NCKAP5: variants seen among roughly 807,000 people sequenced by gnomAD.
NCKAP5 encodes NCK associated protein 5.
Under a neutral mutation model 167.0 loss-of-function variants are expected in NCKAP5, and 92 were observed. The observed-to-expected ratio is 0.55, with a 90% CI of 0.47 to 0.66. NCKAP5 has a LOEUF of 0.66. Among genes scored for constraint, NCKAP5 ranks in the 30% least tolerant of loss-of-function variants. NCKAP5 has a pLI of 0.00. For missense variants in NCKAP5, 2,378 were observed against 2,315.0 expected (o/e 1.03, Z -0.56); for synonymous variants, 891 against 877.4 (o/e 1.02, Z -0.27).
chr2:133,304,033 T>A (rs903184412), intron 3 of NCKAP5, among the ~76,000 whole-genome samples: 7 of 152,150 alleles, frequency 4.6e-5, no homozygotes, highest in Non-Finnish European at 1.0e-4. Context: ...GGAACAGTAT[T>A]CAATGATTTC....
At chr2:133,153,627 A>G (rs573756049) in intron 5 of NCKAP5, among the ~76,000 whole-genome samples, 2 of 152,084 alleles carry the variant, frequency 1.3e-5, no homozygotes, top group Non-Finnish European at 2.9e-5. Flanking sequence ...CAGGCATACA[A>G]CATAAAGCCC....
chr2:133,226,795 A>G (rs1321266661), intron 4 of NCKAP5, among the ~76,000 whole-genome samples: 1 of 152,208 alleles, frequency 6.6e-6, no homozygotes, highest in Non-Finnish European at 1.5e-5. Context: ...CTTGGACTTC[A>G]GCCTCCAGAA....
At chr2:133,201,357 T>C (rs893527777) in intron 5 of NCKAP5, among the ~76,000 whole-genome samples, 1 of 152,162 alleles carries the variant, frequency 6.6e-6, no homozygotes, top group African/African-American at 2.4e-5. Context: ...AAATGGCAGC[T>C]ACTGAAACCT....
At chr2:132,924,902 A>G (rs1695731084) in intron 8 of NCKAP5, among the ~76,000 whole-genome samples, 1 of 151,872 alleles carries the variant, frequency 6.6e-6, no homozygotes, top group Non-Finnish European at 1.5e-5. Flanking sequence ...GTGGATTGGG[A>G]TAGATTTTTT....
intron 6 of NCKAP5, among the ~76,000 whole-genome samples, chr2:133,078,545 G>C (rs779082487): frequency 2.0e-5 from 3 of 152,074 alleles, no homozygotes; most frequent in Non-Finnish European, 4.4e-5. Context: ...TACGGGACTG[G>C]GGTGAAGGTG....
At chr2:133,172,007 T>C (rs1217543386) in intron 5 of NCKAP5, among the ~76,000 whole-genome samples, 1 of 152,218 alleles carries the variant, frequency 6.6e-6, no homozygotes, top group Non-Finnish European at 1.5e-5. Context: ...ATCTACAATA[T>C]TAAAAGTATC....
At chr2:132,812,776 G>A (rs76436194) in intron 11 of NCKAP5, among the ~76,000 whole-genome samples, 6,100 of 152,184 alleles carry the variant, frequency 0.04, 278 homozygotes, top group East Asian at 0.13. Flanking sequence ...TGTATTTCTC[G>A]CAGTTTTGGA....
chr2:132,700,934 G>GC (rs1553475132), intron 19 of NCKAP5, among the ~76,000 whole-genome samples: 1 of 150,286 alleles, frequency 6.7e-6, no homozygotes, highest in South Asian at 2.1e-4. Flanking sequence ...CCTGGGCGGG[G>GC]GGGGGGGCTT....
intron 6 of NCKAP5, among the ~76,000 whole-genome samples, chr2:133,084,443 A>G (rs1336061122): frequency 6.6e-6 from 1 of 152,166 alleles, no homozygotes; most frequent in Non-Finnish European, 1.5e-5. Context: ...TGTGACCTAG[A>G]GCAAGCTTCT....
At chr2:133,289,047 G>A (rs768716724) in intron 4 of NCKAP5, among the ~76,000 whole-genome samples, 32 of 152,160 alleles carry the variant, frequency 2.1e-4, no homozygotes, top group Non-Finnish European at 4.6e-4. Flanking sequence ...GCAGAGTCAG[G>A]ACTTAAACTC....
chr2:132,860,944 C>T (rs1229802839), intron 10 of NCKAP5, among the ~76,000 whole-genome samples: 1 of 152,094 alleles, frequency 6.6e-6, no homozygotes, highest in Non-Finnish European at 1.5e-5. Context: ...TTTATAAAAG[C>T]AATCATAGAG....
intron 3 of NCKAP5, among the ~76,000 whole-genome samples, chr2:133,353,519 C>A (rs1684503338): frequency 6.6e-6 from 1 of 152,074 alleles, no homozygotes; most frequent in Non-Finnish European, 1.5e-5. Flanking sequence ...AGGGTGGTTC[C>A]CAGCAAAAGC....
rs543862512 is a variant in NCKAP5 at position 133,063,260 on chromosome 2, C to G, written c.341+66718G>C. 9.2e-5 allele frequency among the ~76,000 whole-genome samples: 14 copies of G among 152,268 alleles called. 1 individual carries two copies. The South Asian group carries it at 2.7e-3, about 29-fold the overall frequency. On this transcript the variant is annotated intron_variant, in intron 6 of 19. Coordinates refer to ENST00000409261, the MANE Select transcript of NCKAP5 (RefSeq NM_207363.3). ...TAGGAATGAAATGGAGACATGATTCCAAACACCACACTTTGGATTTATAAT... is the reference window on the plus strand; with the variant it reads ...TAGGAATGAAATGGAGACATGATTCGAAACACCACACTTTGGATTTATAAT...
the NCKAP5 span, among the ~76,000 whole-genome samples, chr2:133,602,563 G>C: frequency 3.9e-5 from 6 of 152,204 alleles, no homozygotes; most frequent in Non-Finnish European, 8.8e-5. Flanking sequence ...CTCAGAAGAG[G>C]CTAAAGTGGA....
At chr2:132,861,717 A>C (rs887777317) in intron 10 of NCKAP5, among the ~76,000 whole-genome samples, 4 of 152,066 alleles carry the variant, frequency 2.6e-5, no homozygotes, top group Admixed American at 2.6e-4. Context: ...GGCATCCCTC[A>C]ATACCTGCTC....
intron 11 of NCKAP5, 123 bp from the exon 12 acceptor site, chr2:132,796,852 T>A: frequency 1.5e-6 from 1 of 654,784 alleles, no homozygotes; most frequent in Non-Finnish European, 2.6e-6. Context: ...CATGTCCTAA[T>A]TAAAAAAAGT....
At position 133,302,986 on chromosome 2, in the gene NCKAP5, C is replaced by G. The variant is rs375307622; in HGVS notation, c.143+51G>C. 6.4e-6 allele frequency: 8 copies of G among 1,250,860 alleles called. No homozygotes were observed. In the African/African-American group the frequency reaches 8.9e-5, roughly 14 times the overall value. 77.5% of individuals were successfully genotyped at this position (1,250,860 alleles called of 1,614,324 possible). A position where few individuals can be genotyped will look rare whatever the true frequency, so the allele number is the denominator to read the frequency against. ...ACTGAAATATTTTAGATCAGCAAAG[C>G]TATAAAGGATGCTACCTGAGCAAGC... On this transcript the variant is annotated intron_variant, in intron 4 of 19. Transcript: ENST00000409261.
intron 3 of NCKAP5, among the ~76,000 whole-genome samples, chr2:133,407,264 G>C (rs1007476524): frequency 3.3e-5 from 5 of 152,208 alleles, no homozygotes; most frequent in African/African-American, 1.2e-4. Flanking sequence ...AGTGTTTGCT[G>C]TCAGGAGAAC....
intron 4 of NCKAP5, among the ~76,000 whole-genome samples, chr2:133,241,019 T>G (rs1343073725): frequency 1.3e-5 from 2 of 152,204 alleles, no homozygotes; most frequent in East Asian, 3.8e-4. Context: ...ACCTTACTAT[T>G]TTCTTATTCT....
Sources: gnomAD v4.1 joint callset for allele counts (sites outside exome capture counted in the v4.1 genomes callset) on GRCh38, gnomAD v4.1.1 for gene constraint, MANE v1.5 for transcripts, NCBI Gene and HGNC (gene_info 2026-07-23, HGNC 2026-07-21) for gene names.